Variants in LSM14A observed in about 807,000 individuals in gnomAD.
The protein encoded by LSM14A is LSM14A mRNA processing body assembly factor.
Under a neutral mutation model 52.4 loss-of-function variants are expected in LSM14A, and 14 were observed. That is an observed-to-expected ratio of 0.27 (90% CI 0.18 to 0.42). The LOEUF is 0.42. LSM14A is among the 10% of genes least tolerant of loss of function. The pLI, the probability that LSM14A is intolerant of heterozygous loss-of-function variation, is 1.00. For synonymous variants in LSM14A, 185 were observed against 200.3 expected (o/e 0.92, Z 0.64); for missense variants, 417 against 581.8 (o/e 0.72, Z 2.91).
intron 3 of LSM14A, 99 bp downstream of exon 3, chr19:34,196,862 GAT>G: frequency 1.9e-6 from 2 of 1,032,120 alleles, no homozygotes; most frequent in Non-Finnish European, 2.8e-6. Flanking sequence ...AATGTTGTTT[GAT>G]GTTCCTTTTG....
chr19:34,175,647 C>T (rs1439503327), intron 1 of LSM14A, among the ~76,000 whole-genome samples: 2 of 152,110 alleles, frequency 1.3e-5, no homozygotes, highest in African/African-American at 2.4e-5. Flanking sequence ...ATTATCTAAT[C>T]GAAAACTACA....
chr19:34,198,591 A>G (rs747483605), intron 3 of LSM14A, among the ~76,000 whole-genome samples: 4 of 152,050 alleles, frequency 2.6e-5, no homozygotes, highest in Non-Finnish European at 4.4e-5. Flanking sequence ...ACTCCAGTCT[A>G]GGCCACAACA....
At chr19:34,175,591 C>T (rs1040158963) in intron 1 of LSM14A, among the ~76,000 whole-genome samples, 5 of 152,130 alleles carry the variant, frequency 3.3e-5, no homozygotes, top group East Asian at 1.9e-4. Context: ...TGATTATGTT[C>T]GCAAAAACTG....
chr19:34,223,815 A>T (rs2073194944), intron 9 of LSM14A, among the ~76,000 whole-genome samples: 1 of 152,240 alleles, frequency 6.6e-6, no homozygotes, highest in African/African-American at 2.4e-5. Flanking sequence ...AGTAGTTACT[A>T]GTATGACCTT....
intron 9 of LSM14A, among the ~76,000 whole-genome samples, chr19:34,226,112 A>G (rs940682327): frequency 2.0e-5 from 3 of 151,918 alleles, no homozygotes; most frequent in East Asian, 1.9e-4. Flanking sequence ...GTTTGGTTGT[A>G]TGGTGTTTTC....
rs570813695 is a variant in LSM14A, at chr19:34,195,871, CT to C, written c.286-761del. On this transcript the variant is annotated intron_variant, in intron 2 of 9. Coordinates refer to ENST00000544216, the MANE Select transcript of LSM14A (RefSeq NM_015578.4). The stretch of plus-strand genomic sequence containing the variant: ...ATATGAAAATGGTGTTGAATAACTT[CT>C]TCCAATCATCATAAACTTCTACTTG... Among the ~76,000 whole-genome samples, 92 of 152,320 alleles carry C rather than the reference CT, an allele frequency of 6.0e-4. 1 individual carries two copies. The highest frequency in any genetic ancestry group is 2.2e-3 in the African/African-American group (91 of 41,576).
At chr19:34,175,854 CG>C (rs919198052) in intron 1 of LSM14A, among the ~76,000 whole-genome samples, 1 of 146,152 alleles carries the variant, frequency 6.8e-6, no homozygotes, top group South Asian at 2.1e-4. Flanking sequence ...GTTTTGTTTT[CG>C]TTTTTTTTTG....
At chr19:34,187,882 T>C (rs2070048620) in intron 1 of LSM14A, among the ~76,000 whole-genome samples, 1 of 152,008 alleles carries the variant, frequency 6.6e-6, no homozygotes, top group Non-Finnish European at 1.5e-5. Context: ...CCCTGTTTTG[T>C]TGTTGTTGTT....
chr19:34,215,648 C>G lies in LSM14A; in HGVS notation c.768C>G (p.Asn256Lys). Residue 256 changes from asparagine to lysine, a missense_variant, in exon 6 of 10, where the codon AAC becomes AAG. By Grantham distance (94) the Asn-to-Lys change is moderately conservative. Coordinates refer to ENST00000544216, the MANE Select transcript of LSM14A (RefSeq NM_015578.4). ...RPENEQLRNDNKRQVAPGAPS... is the reference protein window; with the variant it reads ...RPENEQLRNDKKRQVAPGAPS... ...AAAATGAGCAACTCAGAAATGATAA[C>G]AAGAGACAAGTAGGTAAGTTCTTGG... 6.2e-7 allele frequency: 1 copy of G among 1,611,608 alleles called. No homozygotes were observed. Among genetic ancestry groups the G allele is most frequent in the Non-Finnish European group, 8.5e-7 (1 of 1,177,912 alleles).
intron 8 of LSM14A, chr19:34,221,250 T>G: frequency 9.2e-6 from 4 of 435,802 alleles, no homozygotes; most frequent in African/African-American, 2.0e-5. Context: ...GCCCAGCTAT[T>G]TTTTGTATTT....
intron 1 of LSM14A, among the ~76,000 whole-genome samples, chr19:34,192,316 G>GGTTTTTTTTTTTTTTTTTTTTTTTTTTT (rs1341848304): frequency 1.5e-5 from 1 of 65,822 alleles, no homozygotes; most frequent in Non-Finnish European, 2.9e-5. Flanking sequence ...CATTCTTTTT[G>GGTTTTTTTTTTTTTTTTTTTTTTTTTTT]TTGTTTTTTT....
At chr19:34,204,081 TG>T (rs549274381) in intron 3 of LSM14A, among the ~76,000 whole-genome samples, 4 of 151,944 alleles carry the variant, frequency 2.6e-5, no homozygotes, top group Non-Finnish European at 5.9e-5. Flanking sequence ...AGGTAAAGGT[TG>T]GGGGGGCGTT....
At chr19:34,190,157 C>A (rs1156927706) in intron 1 of LSM14A, among the ~76,000 whole-genome samples, 1 of 152,112 alleles carries the variant, frequency 6.6e-6, no homozygotes, top group Non-Finnish European at 1.5e-5. Context: ...TTTTAATCTT[C>A]CAGACTTCTC....
chr19:34,206,389 C>T (rs1292718722), intron 3 of LSM14A, among the ~76,000 whole-genome samples: 1 of 151,522 alleles, frequency 6.6e-6, no homozygotes, highest in Admixed American at 6.6e-5. Flanking sequence ...TAAAAAAAGA[C>T]TGGGTACGGT....
chr19:34,214,510 T>C (rs1288598353), intron 4 of LSM14A, among the ~76,000 whole-genome samples: 2 of 152,140 alleles, frequency 1.3e-5, no homozygotes, highest in South Asian at 2.1e-4. Flanking sequence ...GGTTTCGCCA[T>C]GTTGCCTAGG....
intron 3 of LSM14A, among the ~76,000 whole-genome samples, chr19:34,199,971 AAC>A (rs1491513116): frequency 6.6e-6 from 1 of 152,250 alleles, no homozygotes; most frequent in Non-Finnish European, 1.5e-5. Context: ...GTACCCTTGT[AAC>A]ACAGACATCT....
chr19:34,217,131 C>T (rs1462713572), intron 6 of LSM14A, among the ~76,000 whole-genome samples: 1 of 151,860 alleles, frequency 6.6e-6, no homozygotes, highest in Non-Finnish European at 1.5e-5. Context: ...TGGTGGCACA[C>T]GCCTGTAGTC....
rs144005288 is a variant in LSM14A at position 34,196,722 on chromosome 19, C to T, written c.374C>T (p.Pro125Leu). ...ATGCCCACATACAGTCAGTTCAGTC[C>T]GAGTTCCTTAGTTGGGCAGCAGTTT... is the stretch of plus-strand genomic sequence containing the variant. ...GRMPTYSQFSPSSLVGQQFGA... is the reference protein window; with the variant it reads ...GRMPTYSQFSLSSLVGQQFGA... The change falls in exon 3 of 10, where the codon CCG (proline) becomes CTG (leucine). Residue 125 changes from proline (P) to leucine (L), a missense_variant. By Grantham distance (98) the Pro-to-Leu change is moderately conservative. Around this residue, in one of 2 missense-constraint regions of LSM14A, gnomAD observed 357 missense variants for 457.0 expected, o/e 0.78. Coordinates refer to ENST00000544216, the MANE Select transcript of LSM14A (RefSeq NM_015578.4). 2.5e-6 allele frequency: 4 copies of T among 1,612,744 alleles called. No homozygotes were observed. The highest frequency in any genetic ancestry group is 1.3e-5 in the African/African-American group (1 of 74,814).
At chr19:34,214,601 G>A (rs1329270342) in intron 4 of LSM14A, among the ~76,000 whole-genome samples, 2 of 152,156 alleles carry the variant, frequency 1.3e-5, no homozygotes, top group East Asian at 1.9e-4. Context: ...ATGCCACTGC[G>A]CCCGGCCCTT....
Sources: allele counts gnomAD v4.1 joint callset (sites outside exome capture counted in the v4.1 genomes callset), GRCh38; gene constraint gnomAD v4.1.1; regional missense constraint gnomAD v4.1.1; transcripts MANE v1.5; gene names NCBI Gene and HGNC (gene_info 2026-07-23, HGNC 2026-07-21).